Variants in LGSN observed in about 807,000 individuals in gnomAD.
LGSN encodes lengsin, lens protein with glutamine synthetase domain, also known as lengsin.
In LGSN, 21 loss-of-function variants were observed where a neutral mutation model predicts 19.5. That is an observed-to-expected ratio of 1.07 (90% CI 0.76 to 1.55). The LOEUF (loss-of-function observed/expected upper bound fraction) is 1.55. Ranked by LOEUF, LGSN falls within the 40% of genes most tolerant of loss-of-function variation. LGSN has a pLI of 0.00. For synonymous variants in LGSN, 257 were observed against 215.6 expected (o/e 1.19, Z -1.68); for missense variants, 673 against 608.5 (o/e 1.11, Z -1.12).
the LGSN span, among the ~76,000 whole-genome samples, chr6:63,394,045 A>T: frequency 6.6e-6 from 1 of 152,198 alleles, no homozygotes. Flanking sequence ...AGGTGGGCGG[A>T]TCACCTGAGG....
At chr6:63,373,256 T>A in the LGSN span, among the ~76,000 whole-genome samples, 1 of 152,148 alleles carries the variant, frequency 6.6e-6, no homozygotes, top group Admixed American at 6.5e-5. Context: ...GATATTTAAG[T>A]GAGCACAGAG....
At chr6:63,412,783 A>AG in the LGSN span, among the ~76,000 whole-genome samples, 232 of 137,652 alleles carry the variant, frequency 1.7e-3, 2 homozygotes, top group Non-Finnish European at 2.8e-3. Flanking sequence ...AAGGAAGGGA[A>AG]GGAAGGAAAG....
At chr6:63,537,504 G>A in the LGSN span, among the ~76,000 whole-genome samples, 2 of 152,218 alleles carry the variant, frequency 1.3e-5, no homozygotes, top group African/African-American at 4.8e-5. Context: ...GCTCCCAGTA[G>A]AGAACCATTG....
the LGSN span, among the ~76,000 whole-genome samples, chr6:63,483,878 A>C: frequency 6.6e-6 from 1 of 151,562 alleles, no homozygotes; most frequent in African/African-American, 2.4e-5. Context: ...AGAATCTTTA[A>C]AGAAGTATCT....
At chr6:63,353,865 TA>T in the LGSN span, among the ~76,000 whole-genome samples, 1 of 152,126 alleles carries the variant, frequency 6.6e-6, no homozygotes, top group East Asian at 1.9e-4. Flanking sequence ...TGATTTTTTT[TA>T]TAAAGTTGCC....
At chr6:63,411,224 C>G in the LGSN span, among the ~76,000 whole-genome samples, 3 of 152,144 alleles carry the variant, frequency 2.0e-5, no homozygotes, top group African/African-American at 7.2e-5. Flanking sequence ...TTGGAATTTT[C>G]CCAAGCACCA....
the LGSN span, among the ~76,000 whole-genome samples, chr6:63,444,700 C>T: frequency 1.3e-5 from 2 of 152,208 alleles, no homozygotes; most frequent in East Asian, 3.8e-4. Flanking sequence ...GTTAACATAT[C>T]TGCTCCTGTC....
the LGSN span, among the ~76,000 whole-genome samples, chr6:63,429,259 T>C: frequency 1.3e-5 from 2 of 152,208 alleles, no homozygotes; most frequent in Admixed American, 6.5e-5. Context: ...TGAACCCAGA[T>C]GCCATATTTT....
At chr6:63,455,845 C>T in the LGSN span, among the ~76,000 whole-genome samples, 1 of 151,940 alleles carries the variant, frequency 6.6e-6, no homozygotes, top group South Asian at 2.1e-4. Context: ...GAGGCTGAGG[C>T]AGGAGGATCA....
the LGSN span, among the ~76,000 whole-genome samples, chr6:63,472,600 T>A: frequency 6.6e-6 from 1 of 152,148 alleles, no homozygotes; most frequent in East Asian, 1.9e-4. Flanking sequence ...AATCCTCTTA[T>A]TCCACCAAAC....
chr6:63,452,583 A>AT, the LGSN span, among the ~76,000 whole-genome samples: 5 of 151,250 alleles, frequency 3.3e-5, no homozygotes, highest in South Asian at 8.3e-4. Context: ...TAATATATTT[A>AT]TTTTTTTTAA....
intron 1 of LGSN, among the ~76,000 whole-genome samples, chr6:63,298,605 C>T (rs1768070372): frequency 1.3e-5 from 2 of 152,106 alleles, no homozygotes; most frequent in Non-Finnish European, 2.9e-5. Context: ...AAATGGAATC[C>T]TTAATTTCTG....
the LGSN span, among the ~76,000 whole-genome samples, chr6:63,400,694 C>T: frequency 6.6e-6 from 1 of 152,110 alleles, no homozygotes; most frequent in East Asian, 1.9e-4. Context: ...ATATTATGTA[C>T]AATAAAACAT....
the LGSN span, among the ~76,000 whole-genome samples, chr6:63,477,301 T>C: frequency 3.3e-5 from 5 of 152,218 alleles, no homozygotes; most frequent in African/African-American, 1.2e-4. Flanking sequence ...TCTTAGTTAA[T>C]TATAAATTAC....
At chr6:63,364,186 C>T in the LGSN span, among the ~76,000 whole-genome samples, 435 of 152,144 alleles carry the variant, frequency 2.9e-3, 2 homozygotes, top group African/African-American at 0.01. Flanking sequence ...GGAGACCCAT[C>T]TCACATGCAG....
chr6:63,482,949 C>T, the LGSN span, among the ~76,000 whole-genome samples: 3 of 152,178 alleles, frequency 2.0e-5, no homozygotes, highest in East Asian at 5.8e-4. Context: ...GATCTGCCCA[C>T]GTTGGCCTCC....
the LGSN span, among the ~76,000 whole-genome samples, chr6:63,449,085 G>A: frequency 6.6e-6 from 1 of 152,160 alleles, no homozygotes; most frequent in Non-Finnish European, 1.5e-5. Flanking sequence ...TGAGTTCTGG[G>A]GATTTTGGTA....
chr6:63,412,703 GAA>G, the LGSN span, among the ~76,000 whole-genome samples: 1 of 103,428 alleles, frequency 9.7e-6, no homozygotes, highest in African/African-American at 4.5e-5. Flanking sequence ...AAGAAAGAAA[GAA>G]AGAGGGAAGG....
the LGSN span, among the ~76,000 whole-genome samples, chr6:63,548,497 G>A: frequency 1.3e-5 from 2 of 152,248 alleles, no homozygotes; most frequent in African/African-American, 4.8e-5. Context: ...TGTCTCCATC[G>A]TAGCAGCCTG....
Sources: gnomAD v4.1 joint callset for allele counts (sites outside exome capture counted in the v4.1 genomes callset) on GRCh38, gnomAD v4.1.1 for gene constraint, MANE v1.5 for transcripts, NCBI Gene and HGNC (gene_info 2026-07-23, HGNC 2026-07-21) for gene names.